Variants in RHOT1 observed in about 807,000 individuals in gnomAD.
RHOT1 encodes the protein ras homolog family member T1.
A neutral mutation model predicts 95.3 loss-of-function variants in RHOT1; 27 were observed. The observed-to-expected ratio is 0.28, with a 90% CI of 0.21 to 0.39. The LOEUF (loss-of-function observed/expected upper bound fraction) is 0.39, where lower values mean the gene tolerates loss of function less well. Among genes scored for constraint, RHOT1 ranks in the 10% least tolerant of loss-of-function variants. The probability of loss-of-function intolerance (pLI) is 1.00; values close to 1 mark genes in which losing one functional copy is unlikely to be tolerated. For missense variants in RHOT1, 578 were observed against 786.7 expected, an observed-to-expected ratio of 0.73 and a Z score of 3.17; for synonymous variants, 227 against 263.5, an observed-to-expected ratio of 0.86 and a Z score of 1.34.
chr17:32,210,708 G>A (rs1442532879), intron 18 of RHOT1, among the ~76,000 whole-genome samples: 1 of 152,062 alleles, frequency 6.6e-6, no homozygotes, highest in Non-Finnish European at 1.5e-5. Context: ...AGGAGGAGGA[G>A]GGAATCGTTA....
At chr17:32,156,002 G>C (rs111332349) in intron 1 of RHOT1, among the ~76,000 whole-genome samples, 4 of 152,182 alleles carry the variant, frequency 2.6e-5, no homozygotes, top group Non-Finnish European at 5.9e-5. Context: ...CCTTGAGCTA[G>C]CTGAAGGTTT....
At chr17:32,211,625 C>T (rs9912801) in intron 19 of RHOT1, among the ~76,000 whole-genome samples, 5,288 of 152,084 alleles carry the variant, frequency 0.035, 308 homozygotes, top group African/African-American at 0.12. Context: ...ACTCAGCTTA[C>T]AATGAAATAA....
intron 16 of RHOT1, among the ~76,000 whole-genome samples, chr17:32,205,051 T>A (rs1336880934): frequency 6.0e-5 from 9 of 150,770 alleles, no homozygotes; most frequent in Non-Finnish European, 8.9e-5. Context: ...TTTTTTTTTT[T>A]AAATTTTACT....
chr17:32,182,938 G>A, intron 7 of RHOT1, 73 bp downstream of exon 7: 1 of 952,866 alleles, frequency 1.0e-6, no homozygotes, highest in Non-Finnish European at 1.6e-6. Context: ...AAATAGGGGG[G>A]ACAATGTGGG....
intron 1 of RHOT1, chr17:32,143,026 T>A (rs371296851): frequency 1.4e-6 from 1 of 700,002 alleles, no homozygotes; most frequent in African/African-American, 1.8e-5. Flanking sequence ...CCGCCCGACC[T>A]CATCCCTCCG....
chr17:32,151,933 G>A (rs2032357329), intron 1 of RHOT1, among the ~76,000 whole-genome samples: 1 of 150,548 alleles, frequency 6.6e-6, no homozygotes, highest in South Asian at 2.1e-4. Context: ...ATGTGGAAGA[G>A]ATTCACGTTC....
At chr17:32,151,009 C>G in intron 1 of RHOT1, 1 of 1,511,218 alleles carries the variant, frequency 6.6e-7, no homozygotes, top group Non-Finnish European at 9.0e-7. Flanking sequence ...GGTTCCTAAA[C>G]CAAACCTGGG....
chr17:32,161,981 A>G (rs2033603528), intron 1 of RHOT1, among the ~76,000 whole-genome samples: 3 of 152,308 alleles, frequency 2.0e-5, no homozygotes, highest in South Asian at 4.1e-4. Flanking sequence ...GTCAGGGTGC[A>G]CCACCTTCCT....
chr17:32,211,340 G>T lies in RHOT1; in HGVS notation c.1862+102G>T, dbSNP rs181232848. 1.7e-4 allele frequency: 177 copies of T among 1,063,734 alleles called. 1 individual carries two copies. The highest frequency in any genetic ancestry group is 2.2e-4 in the Non-Finnish European group (176 of 796,946). The allele number at this position is 1,063,734 out of a possible 1,614,324, so 65.9% of individuals were successfully genotyped here. A position where few individuals can be genotyped will look rare whatever the true frequency, so the allele number is the denominator to read the frequency against. On this transcript the variant is annotated intron_variant, in intron 19 of 19. Transcript: ENST00000545287. The stretch of plus-strand genomic sequence containing the variant: ...CAGATACTCACTACAAAGACAAGCT[G>T]ACTGATGCCCAACTAACTTCCACTA...
intron 16 of RHOT1, 84 bp downstream of exon 16, chr17:32,204,057 G>A (rs560802715): frequency 1.6e-5 from 14 of 887,478 alleles, no homozygotes; most frequent in East Asian, 2.5e-5. Context: ...GGCTTCAATT[G>A]AATGACTCTC....
At chr17:32,144,774 C>T (rs905706705) in intron 1 of RHOT1, among the ~76,000 whole-genome samples, 4 of 148,188 alleles carry the variant, frequency 2.7e-5, no homozygotes, top group East Asian at 2.0e-4. Context: ...ATTGCTTGAA[C>T]GCAGGAGTTT....
chr17:32,154,777 C>T (rs932823258), intron 1 of RHOT1, among the ~76,000 whole-genome samples: 2 of 151,852 alleles, frequency 1.3e-5, no homozygotes, highest in African/African-American at 4.8e-5. Flanking sequence ...TGCCTGTAAT[C>T]CCAGCTACTC....
intron 6 of RHOT1, among the ~76,000 whole-genome samples, chr17:32,181,292 A>G (rs751180469): frequency 7.9e-5 from 12 of 152,056 alleles, no homozygotes; most frequent in Non-Finnish European, 1.5e-4. Flanking sequence ...TTCCCTGCCT[A>G]CTCGCTGCCA....
intron 1 of RHOT1, among the ~76,000 whole-genome samples, chr17:32,157,450 C>T (rs2033076193): frequency 6.6e-6 from 1 of 152,124 alleles, no homozygotes; most frequent in South Asian, 2.1e-4. Flanking sequence ...TTTAAGAAGT[C>T]CTTCAGGAGA....
chr17:32,174,990 G>C (rs1164152005), intron 3 of RHOT1, among the ~76,000 whole-genome samples: 1 of 152,124 alleles, frequency 6.6e-6, no homozygotes, highest in East Asian at 1.9e-4. Context: ...CTCTTTGTCC[G>C]AGCTTCTGAC....
intron 6 of RHOT1, 22 bp from the exon 7 acceptor site, chr17:32,182,735 C>T: frequency 7.4e-7 from 1 of 1,342,322 alleles, no homozygotes; most frequent in Non-Finnish European, 1.0e-6. Flanking sequence ...TTCCTTATTA[C>T]AATGTGCCCT....
intron 13 of RHOT1, 86 bp from the exon 14 acceptor site, chr17:32,200,870 A>G: frequency 2.2e-6 from 2 of 902,662 alleles, no homozygotes; most frequent in Non-Finnish European, 3.6e-6. Flanking sequence ...GGTCTGGTGC[A>G]TAAAGTTTTT....
At position 32,206,992 on chromosome 17, in the gene RHOT1, A is replaced by G; in HGVS notation, c.1499A>G (p.Asn500Ser). ...DVVCLVYDVS[N>S]PKSFEYCARI... ...GTATGCCTGGTATATGATGTCAGCA[A>G]TCCCAAATCCTTTGAATACTGTGCC... Residue 500 changes from asparagine (N) to serine (S), a missense_variant, in exon 17 of 20, where the codon AAT (asparagine) becomes AGT (serine). Asn to Ser is a conservative substitution (Grantham distance 46). This residue lies in a region of RHOT1 where 296 missense variants were observed against 338.5 expected (regional missense o/e 0.87). Coordinates refer to ENST00000545287, the MANE Select transcript of RHOT1 (RefSeq NM_001033566.3). 1 of 1,613,184 alleles carries G rather than the reference A, an allele frequency of 6.2e-7. No individual in the cohort carries two copies. The highest frequency in any genetic ancestry group is 8.5e-7 in the Non-Finnish European group (1 of 1,179,588).
chr17:32,224,904 A>G lies in RHOT1; in HGVS notation c.*171A>G, dbSNP rs1215220404. The G allele has an allele frequency of 2.3e-6, 1 of 437,740 alleles. No individual in the cohort carries two copies. Among genetic ancestry groups the G allele is most frequent in the Non-Finnish European group, 4.1e-6 (1 of 243,242 alleles). 27.1% of individuals were successfully genotyped at this position (437,740 alleles called of 1,614,324 possible). On this transcript the variant is annotated 3_prime_UTR_variant, in exon 20 of 20. Coordinates refer to ENST00000545287, the MANE Select transcript of RHOT1 (RefSeq NM_001033566.3). ...GATAGTTATAACTGCAGTATTGGCTAGCATATGGAAAGAAAACAGCTAACA... is the reference window on the plus strand; with the variant it reads ...GATAGTTATAACTGCAGTATTGGCTGGCATATGGAAAGAAAACAGCTAACA...
Sources: allele counts gnomAD v4.1 joint callset (sites outside exome capture counted in the v4.1 genomes callset), GRCh38; gene constraint gnomAD v4.1.1; regional missense constraint gnomAD v4.1.1; transcripts MANE v1.5; gene names NCBI Gene and HGNC (gene_info 2026-07-23, HGNC 2026-07-21).